Variants in TJP2 observed in about 807,000 individuals in gnomAD.
TJP2 encodes Friedreich ataxia region gene X104 (tight junction protein ZO-2).
TJP2 carries 91 observed loss-of-function variants against 133.1 expected under a neutral mutation model. The ratio of observed to expected loss-of-function variants is 0.68; its 90% CI spans 0.58 to 0.81. TJP2 has a LOEUF of 0.81. Among genes scored for constraint, TJP2 ranks in the 40% least tolerant of loss-of-function variants. The pLI is 0.00. For synonymous variants in TJP2, 592 were observed against 583.4 expected (o/e 1.01, Z -0.21); for missense variants, 1,541 against 1,565.6 (o/e 0.98, Z 0.26).
Position 69,216,479 on chromosome 9 carries a change from C to T in TJP2, c.239+16C>T, listed in dbSNP as rs190537310. 7.7e-4 allele frequency: 1,248 copies of T among 1,613,864 alleles called. 12 individuals carry two copies. The highest frequency in any genetic ancestry group is 8.3e-5 in the Admixed American group (5 of 60,016). On this transcript the variant is annotated intron_variant, in intron 3 of 22. Coordinates refer to ENST00000377245, the MANE Select transcript of TJP2 (RefSeq NM_004817.4). Reference sequence around the variant, plus strand: ...GGCTGCTCCAGTGAGTGTCCTCCCTCGCTCCGCAGCCCCTACCAGCCCTAC... The same window carrying T: ...GGCTGCTCCAGTGAGTGTCCTCCCTTGCTCCGCAGCCCCTACCAGCCCTAC...
intron 2 of TJP2, among the ~76,000 whole-genome samples, chr9:69,159,810 A>C (rs1823969580): frequency 6.6e-6 from 1 of 150,690 alleles, no homozygotes; most frequent in Non-Finnish European, 1.5e-5. Context: ...CGGGTGGCAG[A>C]GGTTGCAGTG....
At chr9:69,228,557 CATATATGTATGCATGTGTGTATAT>C (rs1255669258) in intron 9 of TJP2, among the ~76,000 whole-genome samples, 1 of 152,006 alleles carries the variant, frequency 6.6e-6, no homozygotes, top group African/African-American at 2.4e-5. Flanking sequence ...GATATGTATA[CATATATGTATGCATGTGTGTATAT>C]ATGTATACAG....
At chr9:69,169,738 T>C (rs2132903390), upstream of TJP2, among the ~76,000 whole-genome samples, 2 of 151,784 alleles carry the variant, frequency 1.3e-5, no homozygotes, top group South Asian at 4.2e-4. Context: ...GATATATACA[T>C]ATATATATAT....
At chr9:69,234,581 T>TGGGGGGGGGGGGGGG in intron 12 of TJP2, 34 bp downstream of exon 12, 1 of 238,988 alleles carries the variant, frequency 4.2e-6, no homozygotes. Flanking sequence ...TTAGTTGGGG[T>TGGGGGGGGGGGGGGG]GGGGGTGGGG....
rs755935175 is a variant in TJP2 at position 69,221,022 on chromosome 9, C to T, written c.478C>T (p.Arg160Trp). Residue 160 changes from arginine (R) to tryptophan (W), a missense_variant, in exon 5 of 23, where the codon CGG becomes TGG. Transcript: ENST00000377245. ...CCGGAGTGGCTACAGCGAGAGGAGC[C>T]GGCTGAACAGCCATGGGGGGCGCAG... Reference protein sequence around the residue: ...SFRSGYSERSRLNSHGGRSRS... With the variant: ...SFRSGYSERSWLNSHGGRSRS... The T allele has an allele frequency of 2.0e-5, 33 of 1,609,832 alleles. No individual in the cohort carries two copies. The highest frequency in any genetic ancestry group is 2.7e-5 in the African/African-American group (2 of 74,888).
Position 69,236,965 on chromosome 9 carries a change from A to G in TJP2, c.2008A>G (p.Ser670Gly), listed in dbSNP as rs1267173737. 1.9e-6 allele frequency: 3 copies of G among 1,614,124 alleles called. No individual in the cohort carries two copies. The African/African-American group carries it at 4.0e-5, about 22-fold the overall frequency. Residue 670 changes from serine to glycine, a missense_variant, in exon 14 of 23, where the codon AGT (serine) becomes GGT (glycine). By Grantham distance (56) the Ser-to-Gly change is moderately conservative. Coordinates refer to ENST00000377245, the MANE Select transcript of TJP2 (RefSeq NM_004817.4). ...PNKSRAEQMASVQNAQRDNAG... is the reference protein window; with the variant it reads ...PNKSRAEQMAGVQNAQRDNAG... ...TCTTCTCAGAGCTGAACAAATGGCCAGTGTTCAAAATGCCCAGAGAGACAA... is the reference window on the plus strand; with the variant it reads ...TCTTCTCAGAGCTGAACAAATGGCCGGTGTTCAAAATGCCCAGAGAGACAA...
chr9:69,174,569 C>G, intron 1 of TJP2, 137 bp downstream of exon 1: 1 of 1,097,860 alleles, frequency 9.1e-7, no homozygotes, highest in South Asian at 1.4e-5. Flanking sequence ...CCCATCCGGA[C>G]GTGGGACGCA....
Position 69,210,290 on chromosome 9 carries a change from C to T in TJP2, c.61-2258C>T, listed in dbSNP as rs1015944993. On this transcript the variant is annotated intron_variant, in intron 1 of 22. Transcript: ENST00000377245. ...GGTGACAGAGTGAGACCCCGTCCCC[C>T]CCCCCCCCCAAAAAAAAAAAAAGTA... Among the ~76,000 whole-genome samples, 5 of 42,544 alleles carry T rather than the reference C, an allele frequency of 1.2e-4. 1 individual carries two copies. The East Asian group carries it at 6.6e-3, about 56-fold the overall frequency. The allele number at this position is 42,544 out of a possible 152,430, so 27.9% of individuals were successfully genotyped here. A position where few individuals can be genotyped will look rare whatever the true frequency, so the allele number is the denominator to read the frequency against.
chr9:69,131,822 A>T (rs568620704), intron 1 of TJP2, among the ~76,000 whole-genome samples: 2 of 152,302 alleles, frequency 1.3e-5, no homozygotes, highest in South Asian at 4.1e-4. Flanking sequence ...TGGAAAGGAA[A>T]TATTTCACAA....
intron 1 of TJP2, among the ~76,000 whole-genome samples, chr9:69,180,747 AT>A (rs1320723951): frequency 6.6e-6 from 1 of 152,250 alleles, no homozygotes; most frequent in Non-Finnish European, 1.5e-5. Context: ...GGAATGAATC[AT>A]TTGGAAGGAA....
intron 2 of TJP2, among the ~76,000 whole-genome samples, chr9:69,154,380 C>T (rs1354187150): frequency 2.6e-5 from 4 of 152,176 alleles, no homozygotes; most frequent in African/African-American, 9.7e-5. Context: ...CCTGAGGTTT[C>T]TAATCATCAG....
At position 69,227,025 on chromosome 9, in the gene TJP2, ATAGT is replaced by A. The variant is rs778413549; in HGVS notation, c.1211-737_1211-734del. Among the ~76,000 whole-genome samples, 46 of 152,368 alleles carry A rather than the reference ATAGT, an allele frequency of 3.0e-4. 1 individual carries two copies. Among genetic ancestry groups the A allele is most frequent in the Non-Finnish European group, 5.1e-4 (35 of 68,036 alleles). The stretch of plus-strand genomic sequence containing the variant: ...AACCTTGTAAAAATTGCCAATAAAA[ATAGT>A]TAATCACAGTATATTCTACTGAACC... On this transcript the variant is annotated intron_variant, in intron 7 of 22. Coordinates refer to ENST00000377245, the MANE Select transcript of TJP2 (RefSeq NM_004817.4).
At chr9:69,191,844 T>A (rs911324886) in intron 1 of TJP2, among the ~76,000 whole-genome samples, 2 of 151,934 alleles carry the variant, frequency 1.3e-5, no homozygotes, top group Non-Finnish European at 2.9e-5. Flanking sequence ...TCAAGCGATT[T>A]TCCTGCCTCA....
chr9:69,239,805 ATC>A, intron 16 of TJP2, 130 bp from the exon 17 acceptor site: 1 of 880,672 alleles, frequency 1.1e-6, no homozygotes, highest in Non-Finnish European at 1.8e-6. Flanking sequence ...CAGAGCAAGA[ATC>A]TATCCCAAAT....
intron 1 of TJP2, among the ~76,000 whole-genome samples, chr9:69,147,089 C>CT (rs1823246021): frequency 6.6e-6 from 1 of 152,166 alleles, no homozygotes; most frequent in African/African-American, 2.4e-5. Context: ...TACAGAGACT[C>CT]TATCAGAGTC....
At chr9:69,219,065 G>A (rs949999984) in intron 4 of TJP2, among the ~76,000 whole-genome samples, 16 of 152,092 alleles carry the variant, frequency 1.1e-4, no homozygotes, top group African/African-American at 2.4e-4. Flanking sequence ...CGCCTCCTGG[G>A]TTCAAGCGAT....
In TJP2 at chr9:69,174,354, C is replaced by G. The variant is rs1824892456; in HGVS notation, c.-19C>G. ...AGCGGGGTCCGGAGCTGCGCGCCTA[C>G]GCGGGACCTGTGTCCGAAATGCCGG... On this transcript the variant is annotated 5_prime_UTR_variant, in exon 1 of 23. Transcript: ENST00000377245. 1 of 1,551,412 alleles carries G rather than the reference C, an allele frequency of 6.4e-7. No individual in the cohort carries two copies. Among genetic ancestry groups the G allele is most frequent in the Admixed American group, 2.0e-5 (1 of 51,022 alleles).
chr9:69,242,580 T>C lies in TJP2; in HGVS notation c.2566+2433T>C, dbSNP rs116958447. On this transcript the variant is annotated intron_variant, in intron 17 of 22. Transcript: ENST00000377245. Reference sequence around the variant, plus strand: ...CTCACCAGAAATTGCCAATCTCTTATGTAGAATTGTACAGTCTTCAGGATA... The same window carrying C: ...CTCACCAGAAATTGCCAATCTCTTACGTAGAATTGTACAGTCTTCAGGATA... Among the ~76,000 whole-genome samples the C allele has an allele frequency of 7.4e-3, 1,124 of 152,346 alleles. 5 individuals are homozygous for C. Among genetic ancestry groups the C allele is most frequent in the Admixed American group, 0.011 (170 of 15,306 alleles).
At position 69,227,785 on chromosome 9, in the gene TJP2, A is replaced by T; in HGVS notation, c.1231A>T (p.Asn411Tyr). 1 of 1,611,378 alleles carries T rather than the reference A, an allele frequency of 6.2e-7. No individual in the cohort carries two copies. Among genetic ancestry groups the T allele is most frequent in the Non-Finnish European group, 8.5e-7 (1 of 1,177,794 alleles). The change falls in exon 8 of 23, where the codon AAC becomes TAC. Residue 411 changes from asparagine to tyrosine, a missense_variant. Coordinates refer to ENST00000377245, the MANE Select transcript of TJP2 (RefSeq NM_004817.4). ...EIEDISEIES[N>Y]RSFSPEERRH... is the part of the protein sequence containing the mutation. ...ACTAGATATTTCAGAAATAGAGTCA[A>T]ACCGATCATTTTCTCCAGAGGAGAG...
Sources: gnomAD v4.1 joint callset for allele counts (sites outside exome capture counted in the v4.1 genomes callset) on GRCh38, gnomAD v4.1.1 for gene constraint, MANE v1.5 for transcripts, NCBI Gene and HGNC (gene_info 2026-07-23, HGNC 2026-07-21) for gene names.